WDR7: variants seen among roughly 807,000 people sequenced by gnomAD.
WDR7 encodes WD repeat-containing protein 7.
Under a neutral mutation model 169.4 loss-of-function variants are expected in WDR7, and 46 were observed. The ratio of observed to expected loss-of-function variants is 0.27; its 90% CI spans 0.21 to 0.35. The LOEUF (loss-of-function observed/expected upper bound fraction) is 0.35. Among genes scored for constraint, WDR7 ranks in the 10% least tolerant of loss-of-function variants. The pLI is 1.00. For missense variants in WDR7, 1,534 were observed against 1,859.3 expected (o/e 0.83, Z 3.22); for synonymous variants, 612 against 666.8 (o/e 0.92, Z 1.27).
chr18:56,823,391 A>T (rs1329495846), intron 20 of WDR7, among the ~76,000 whole-genome samples: 1 of 152,184 alleles, frequency 6.6e-6, no homozygotes, highest in African/African-American at 2.4e-5. Flanking sequence ...CACCCTGGTC[A>T]ACATATAGTA....
At chr18:57,032,801 T>TTATTTTTA (rs1210749361), downstream of WDR7, 40 of 106,166 alleles carry the variant, frequency 3.8e-4, no homozygotes, top group African/African-American at 1.2e-3. Context: ...TATAATTATT[T>TTATTTTTA]TATATATATA....
At chr18:56,882,171 C>G (rs1047258559) in intron 21 of WDR7, among the ~76,000 whole-genome samples, 2 of 152,206 alleles carry the variant, frequency 1.3e-5, no homozygotes, top group African/African-American at 4.8e-5. Context: ...TAAAACCTTG[C>G]TTAAATCTCA....
intron 12 of WDR7, among the ~76,000 whole-genome samples, chr18:56,714,744 T>C (rs1476897769): frequency 6.6e-6 from 1 of 152,102 alleles, no homozygotes; most frequent in Non-Finnish European, 1.5e-5. Flanking sequence ...AGATTGAGCT[T>C]GTTATTTGCA....
At chr18:56,777,600 T>A (rs1446799134) in intron 17 of WDR7, among the ~76,000 whole-genome samples, 1 of 152,180 alleles carries the variant, frequency 6.6e-6, no homozygotes, top group African/African-American at 2.4e-5. Flanking sequence ...CTGAGTTACA[T>A]CCACTGTCTT....
intron 26 of WDR7, among the ~76,000 whole-genome samples, chr18:57,014,997 C>G (rs2048187573): frequency 6.6e-6 from 1 of 152,184 alleles, no homozygotes; most frequent in South Asian, 2.1e-4. Flanking sequence ...AAGCAAGCTT[C>G]AACTGCAGTG....
At chr18:56,749,606 A>G (rs1402113442) in intron 14 of WDR7, among the ~76,000 whole-genome samples, 1 of 152,032 alleles carries the variant, frequency 6.6e-6, no homozygotes, top group African/African-American at 2.4e-5. Flanking sequence ...TGATATCACT[A>G]TAGATTGGAC....
At chr18:56,810,251 G>T (rs893786098) in intron 19 of WDR7, among the ~76,000 whole-genome samples, 2 of 152,110 alleles carry the variant, frequency 1.3e-5, no homozygotes, top group Non-Finnish European at 2.9e-5. Context: ...GTTAAAATTA[G>T]TTTTAAATGA....
chr18:56,891,191 C>T (rs186723185), intron 21 of WDR7, among the ~76,000 whole-genome samples: 49 of 152,148 alleles, frequency 3.2e-4, no homozygotes, highest in Non-Finnish European at 6.3e-4. Flanking sequence ...GAAGAGATAA[C>T]GGGAACTAAT....
intron 22 of WDR7, among the ~76,000 whole-genome samples, chr18:56,925,690 A>T (rs1182503128): frequency 3.3e-5 from 5 of 152,194 alleles, no homozygotes; most frequent in African/African-American, 1.2e-4. Flanking sequence ...CCAGAGAAGC[A>T]ATTGAAGGCT....
chr18:56,815,118 A>C (rs1438195512), intron 19 of WDR7, among the ~76,000 whole-genome samples: 1 of 152,200 alleles, frequency 6.6e-6, no homozygotes, highest in African/African-American at 2.4e-5. Flanking sequence ...GAAGTCCTTG[A>C]ACTAAAGAAG....
intron 21 of WDR7, among the ~76,000 whole-genome samples, chr18:56,923,389 T>C (rs892176137): frequency 6.6e-6 from 1 of 152,258 alleles, no homozygotes; most frequent in Non-Finnish European, 1.5e-5. Flanking sequence ...GACATCATTG[T>C]ACTATATCAG....
intron 16 of WDR7, among the ~76,000 whole-genome samples, chr18:56,773,192 G>A (rs1419242633): frequency 3.9e-5 from 6 of 152,146 alleles, no homozygotes; most frequent in Non-Finnish European, 5.9e-5. Flanking sequence ...CAGGGTTCCT[G>A]AAATAGAAAT....
At chr18:56,887,976 T>A (rs1236096091) in intron 21 of WDR7, among the ~76,000 whole-genome samples, 1 of 152,092 alleles carries the variant, frequency 6.6e-6, no homozygotes, top group East Asian at 1.9e-4. Flanking sequence ...ATTTACTCTT[T>A]ATGGCATCCT....
In WDR7 at chr18:56,776,873, A is replaced by G. The variant is rs755865747; in HGVS notation, c.2940A>G (p.Val980=). The change falls in exon 17 of 28, where the codon GTA becomes GTG. Residue 980 remains valine, a synonymous_variant. Transcript: ENST00000254442. ...SAPALHTCFL[V]NEGWSQLAAM... The stretch of plus-strand genomic sequence containing the variant: ...CTGCTTTACATACCTGTTTCTTAGT[A>G]AATGAAGGTATCTCTCTCAACTTCT... The G allele has an allele frequency of 1.2e-6, 2 of 1,613,020 alleles. No homozygotes were observed. Among genetic ancestry groups the G allele is most frequent in the Non-Finnish European group, 1.7e-6 (2 of 1,179,114 alleles).
chr18:56,915,845 T>A (rs2046616889), intron 21 of WDR7, among the ~76,000 whole-genome samples: 1 of 152,222 alleles, frequency 6.6e-6, no homozygotes, highest in African/African-American at 2.4e-5. Context: ...TGGTCTTCTG[T>A]TAGCATTGGT....
At chr18:56,986,396 ATAAT>A (rs1364515702) in intron 26 of WDR7, among the ~76,000 whole-genome samples, 3 of 152,180 alleles carry the variant, frequency 2.0e-5, no homozygotes, top group Admixed American at 2.0e-4. Flanking sequence ...TTTTGAAATG[ATAAT>A]TCCTTTGTTC....
chr18:56,868,813 T>C (rs1450868034), intron 20 of WDR7, among the ~76,000 whole-genome samples: 1 of 152,162 alleles, frequency 6.6e-6, no homozygotes, highest in African/African-American at 2.4e-5. Flanking sequence ...AGATTCACCT[T>C]TGAAAGGTCA....
At chr18:56,841,415 G>A (rs139506501) in intron 20 of WDR7, among the ~76,000 whole-genome samples, 26 of 151,790 alleles carry the variant, frequency 1.7e-4, no homozygotes, top group African/African-American at 6.3e-4. Context: ...GTGGTAGTGT[G>A]TGCCTATAAT....
intron 12 of WDR7, among the ~76,000 whole-genome samples, chr18:56,698,542 C>G (rs1471258487): frequency 6.7e-6 from 1 of 149,666 alleles, no homozygotes; most frequent in African/African-American, 2.5e-5. Flanking sequence ...GGAGGTGGAG[C>G]TTGCAGTGAG....
Sources: gnomAD v4.1 joint callset for allele counts (sites outside exome capture counted in the v4.1 genomes callset) on GRCh38, gnomAD v4.1.1 for gene constraint, MANE v1.5 for transcripts, NCBI Gene and HGNC (gene_info 2026-07-23, HGNC 2026-07-21) for gene names.